The following GLOD4 variants were observed in gnomAD, a reference collection of about 807,000 sequenced individuals.
The protein encoded by GLOD4 is glyoxalase domain containing 4.
GLOD4 carries 44 observed loss-of-function variants against 39.1 expected under a neutral mutation model. The observed-to-expected ratio is 1.13, with a 90% CI of 0.88 to 1.45. GLOD4 has a LOEUF of 1.45. Among genes scored for constraint, GLOD4 ranks in the 40% most tolerant of loss-of-function variants. The pLI is 0.00. For missense variants in GLOD4, 405 were observed against 366.4 expected (o/e 1.11, Z -0.86); for synonymous variants, 145 against 135.0 (o/e 1.07, Z -0.52).
rs1240271521 is a variant in GLOD4 at position 759,738 on chromosome 17, A to G, written c.*435T>C. On this transcript the variant is annotated 3_prime_UTR_variant, in exon 9 of 9. Coordinates refer to ENST00000301329, the MANE Select transcript of GLOD4 (RefSeq NM_016080.4). ...AAACCTGCCAGAATAAGACAATAGA[A>G]GAGCGTATCGTCAGGCGCTGGGAAT... The G allele has an allele frequency of 1.3e-5, 2 of 155,258 alleles. No homozygotes were observed. Among genetic ancestry groups the G allele is most frequent in the African/African-American group, 4.8e-5 (2 of 41,522 alleles). 9.6% of individuals were successfully genotyped at this position (155,258 alleles called of 1,614,324 possible). A position where few individuals can be genotyped will look rare whatever the true frequency, so the allele number is the denominator to read the frequency against.
Position 769,859 on chromosome 17 carries a change from T to C in GLOD4, c.831+10A>G. The C allele has an allele frequency of 1.4e-6, 2 of 1,472,462 alleles. No individual in the cohort carries two copies. The highest frequency in any genetic ancestry group is 1.4e-5 in the African/African-American group (1 of 72,278). The allele number at this position is 1,472,462 out of a possible 1,614,324, so 91.2% of individuals were successfully genotyped here. On this transcript the variant is annotated intron_variant, in intron 8 of 8. Transcript: ENST00000301329. ...GCCCATGGTGACATAAATGTAGAAATGGGACTCACATCATCCAACAATTTG... is the reference window on the plus strand; with the variant it reads ...GCCCATGGTGACATAAATGTAGAAACGGGACTCACATCATCCAACAATTTG...
At chr17:767,202 T>G (rs1213948512) in intron 8 of GLOD4, among the ~76,000 whole-genome samples, 2 of 152,242 alleles carry the variant, frequency 1.3e-5, no homozygotes, top group Non-Finnish European at 2.9e-5. Flanking sequence ...GTCACAGAGT[T>G]ACGTGACAGA....
chr17:760,494 G>A (rs911173866), intron 8 of GLOD4, among the ~76,000 whole-genome samples: 5 of 152,152 alleles, frequency 3.3e-5, no homozygotes, highest in African/African-American at 1.2e-4. Context: ...ATCCTCACTC[G>A]GCAGAGTCAA....
intron 4 of GLOD4, among the ~76,000 whole-genome samples, chr17:772,830 C>T (rs1908210729): frequency 6.6e-6 from 1 of 152,026 alleles, no homozygotes; most frequent in Non-Finnish European, 1.5e-5. Flanking sequence ...CCCGTCTCTA[C>T]TAAAAATACA....
intron 8 of GLOD4, among the ~76,000 whole-genome samples, chr17:769,457 TG>T (rs540615181): frequency 4.2e-4 from 54 of 130,080 alleles, no homozygotes; most frequent in African/African-American, 1.6e-3. Context: ...GGCATCTCCA[TG>T]GGGAGAGCTG....
chr17:775,146 C>T (rs1247928593), intron 4 of GLOD4, among the ~76,000 whole-genome samples: 1 of 151,028 alleles, frequency 6.6e-6, no homozygotes, highest in African/African-American at 2.4e-5. Flanking sequence ...TGGCAGGCGC[C>T]TATAATCCCA....
intron 1 of GLOD4, among the ~76,000 whole-genome samples, chr17:781,600 C>T (rs773156381): frequency 6.6e-6 from 1 of 152,278 alleles, no homozygotes; most frequent in South Asian, 2.1e-4. Context: ...CAAAGGAGGT[C>T]CCCAAAACCC....
chr17:778,697 A>C lies in GLOD4; in HGVS notation c.138T>G (p.Asn46Lys). 4 of 1,562,914 alleles carry C rather than the reference A, an allele frequency of 2.6e-6. No homozygotes were observed. Among genetic ancestry groups the C allele is most frequent in the Non-Finnish European group, 3.5e-6 (4 of 1,133,266 alleles). Residue 46 changes from asparagine to lysine, a missense_variant and splice_region_variant, in exon 2 of 9, where the codon AAT (asparagine) becomes AAG (lysine). Transcript: ENST00000301329. The part of the protein sequence containing the change: ...EFEEGCKAAC[N>K]GPYDGKWSKT... ...TTTTAAGAAACAAGGTATCATACCCATTACAGGCAGCTTTGCAGCCTTCTT... is the reference window on the plus strand; with the variant it reads ...TTTTAAGAAACAAGGTATCATACCCCTTACAGGCAGCTTTGCAGCCTTCTT...
chr17:772,767 G>T (rs1384122119), intron 4 of GLOD4, among the ~76,000 whole-genome samples: 2 of 152,098 alleles, frequency 1.3e-5, no homozygotes, highest in Admixed American at 1.3e-4. Flanking sequence ...AGGCTGAGGT[G>T]GCAGGATCAT....
At chr17:761,359 GATTT>G (rs1905396678) in intron 8 of GLOD4, among the ~76,000 whole-genome samples, 1 of 151,856 alleles carries the variant, frequency 6.6e-6, no homozygotes, top group Admixed American at 6.6e-5. Flanking sequence ...AGTACTATCT[GATTT>G]ATTATCTTGA....
intron 8 of GLOD4, among the ~76,000 whole-genome samples, chr17:761,741 TGAGCCA>T (rs1905475029): frequency 6.6e-6 from 1 of 152,154 alleles, no homozygotes. Context: ...TGACCTCAGG[TGAGCCA>T]CCCGCCTTGG....
chr17:764,823 A>G, intron 8 of GLOD4: 1 of 128,518 alleles, frequency 7.8e-6, no homozygotes, highest in Non-Finnish European at 1.8e-5. Flanking sequence ...CCTGGCTAAC[A>G]CGGTGAAACC....
chr17:770,280 AT>A, intron 6 of GLOD4, 123 bp from the exon 7 acceptor site: 1 of 755,274 alleles, frequency 1.3e-6, no homozygotes, highest in South Asian at 1.5e-5. Context: ...TGAATTTATT[AT>A]CTCAGCTGCT....
chr17:761,889 C>A (rs184337353), intron 8 of GLOD4, among the ~76,000 whole-genome samples: 135 of 152,272 alleles, frequency 8.9e-4, no homozygotes, highest in African/African-American at 3.1e-3. Context: ...GAAGAAGTAT[C>A]TTAGCTAATA....
upstream of GLOD4, chr17:783,189 C>T: frequency 6.2e-7 from 1 of 1,613,978 alleles, no homozygotes; most frequent in Non-Finnish European, 8.5e-7. Flanking sequence ...TGGAGCTGTG[C>T]CAAAAATGTT....
chr17:785,380 ATAATG>A (rs1213283179), upstream of GLOD4, among the ~76,000 whole-genome samples: 1 of 151,342 alleles, frequency 6.6e-6, no homozygotes, highest in Admixed American at 6.6e-5. Context: ...TTAGAGATTA[ATAATG>A]TAGAGATTAT....
upstream of GLOD4, chr17:782,587 A>T: frequency 6.2e-7 from 1 of 1,614,104 alleles, no homozygotes; most frequent in South Asian, 1.1e-5. Context: ...GCCCAGGAGC[A>T]ACGAGAGAAA....
At chr17:780,506 C>T (rs1014901166) in intron 1 of GLOD4, 3 of 152,250 alleles carry the variant, frequency 2.0e-5, no homozygotes, top group African/African-American at 7.2e-5. Flanking sequence ...CTCCTCTCAT[C>T]TACCTGTGGA....
upstream of GLOD4, chr17:782,425 T>C (rs368628519): frequency 3.1e-6 from 5 of 1,613,988 alleles, no homozygotes; most frequent in Non-Finnish European, 3.4e-6. Context: ...CGACCGTTGC[T>C]GCAGGTGGTC....
Sources: gnomAD v4.1 joint callset for allele counts (sites outside exome capture counted in the v4.1 genomes callset) on GRCh38, gnomAD v4.1.1 for gene constraint, MANE v1.5 for transcripts, NCBI Gene and HGNC (gene_info 2026-07-23, HGNC 2026-07-21) for gene names.